Variants in DIO3 observed in about 807,000 individuals in gnomAD.
The protein encoded by DIO3 is thyroxine 5-deiodinase.
DIO3 carries 5 observed loss-of-function variants against 20.4 expected under a neutral mutation model. That is an observed-to-expected ratio of 0.25 (90% CI 0.13 to 0.52). DIO3 has a LOEUF of 0.52. Ranked by LOEUF, DIO3 falls within the 20% of genes least tolerant of loss-of-function variation. The pLI, the probability that DIO3 is intolerant of heterozygous loss-of-function variation, is 0.97. For missense variants in DIO3, 341 were observed against 438.2 expected, an observed-to-expected ratio of 0.78 and a Z score of 1.98; for synonymous variants, 201 against 193.3, an observed-to-expected ratio of 1.04 and a Z score of -0.33.
chr14:101,562,021 G>T lies in DIO3; in HGVS notation c.525G>T (p.Ala175=), dbSNP rs777536741. The change falls in exon 1 of 1, where the codon GCG becomes GCT. Residue 175 remains alanine (A), a synonymous_variant. Coordinates refer to ENST00000510508, the Ensembl canonical transcript of DIO3. The surrounding 1 kb of genome is among the most constrained non-coding windows in gnomAD (Gnocchi z 8.7). ...GCTGCACCTGACCACCGTTCATGGC[G>T]CGCATGAGCGCCTTCCAGCGCCTGG... 8 of 1,604,672 alleles carry T rather than the reference G, an allele frequency of 5.0e-6. No individual in the cohort carries two copies. The highest frequency in any genetic ancestry group is 3.3e-5 in the Admixed American group (2 of 60,034).
rs376254414 is a variant in DIO3, at chr14:101,561,940, C to G, written c.444C>G (p.Ser148Arg). Reference sequence around the variant, plus strand: ...TGGTTCTGCCCGACGGCTTCCAGAGCCAGCACATCCTCGACTACGCGCAAG... The same window carrying G: ...TGGTTCTGCCCGACGGCTTCCAGAGGCAGCACATCCTCGACTACGCGCAAG... The change falls in exon 1 of 1, where the codon AGC becomes AGG. Residue 148 changes from serine to arginine, a missense_variant. Ser to Arg is a moderately radical substitution (Grantham distance 110). This residue lies in a region of DIO3 where 198 missense variants were observed against 220.7 expected (regional missense o/e 0.90). Coordinates refer to ENST00000510508, the Ensembl canonical transcript of DIO3. The surrounding 1 kb of genome is among the most constrained non-coding windows in gnomAD (Gnocchi z 8.0). 2.4e-5 allele frequency: 38 copies of G among 1,603,856 alleles called. No homozygotes were observed. Among genetic ancestry groups the G allele is most frequent in the Non-Finnish European group, 3.0e-5 (35 of 1,179,968 alleles).
chr14:101,561,655 C>T lies in DIO3; in HGVS notation c.159C>T (p.Leu53=), dbSNP rs1432666448. ...GCCTCGTGCTCTTCCCGCGCTTCCT[C>T]GGCACGGCCTTCATGCTCTGGCTTC... is the stretch of plus-strand genomic sequence containing the variant. Residue 53 remains leucine, a synonymous_variant, in exon 1 of 1, where the codon CTC becomes CTT. Transcript: ENST00000510508. This position sits in a 1 kb window ranked among gnomAD's most constrained non-coding sequence, Gnocchi z 8.0. 15 of 1,613,648 alleles carry T rather than the reference C, an allele frequency of 9.3e-6. No individual in the cohort carries two copies. The highest frequency in any genetic ancestry group is 1.1e-5 in the Non-Finnish European group (13 of 1,179,962).
rs376385510 is a variant in DIO3 at position 101,562,126 on chromosome 14, G to A, written c.630G>A (p.Thr210=). 1.7e-5 allele frequency: 27 copies of A among 1,612,958 alleles called. No individual in the cohort carries two copies. The highest frequency in any genetic ancestry group is 4.4e-5 in the South Asian group (4 of 91,090). Residue 210 remains threonine (T), a synonymous_variant, in exon 1 of 1, where the codon ACG becomes ACA. Coordinates refer to ENST00000510508, the Ensembl canonical transcript of DIO3. The surrounding 1 kb of genome is among the most constrained non-coding windows in gnomAD (Gnocchi z 8.7). Reference sequence around the variant, plus strand: ...ACCCCTCCGACGGCTGGGTCACCACGGACTCTCCCTACATCATCCCACAGC... The same window carrying A: ...ACCCCTCCGACGGCTGGGTCACCACAGACTCTCCCTACATCATCCCACAGC...
rs745756786 is a variant in DIO3, at chr14:101,562,041, G to A, written c.545G>A (p.Arg182His). 6.8e-6 allele frequency: 11 copies of A among 1,607,144 alleles called. No individual in the cohort carries two copies. The highest frequency in any genetic ancestry group is 1.3e-5 in the African/African-American group (1 of 74,944). The change falls in exon 1 of 1, where the codon CGC becomes CAC. Residue 182 changes from arginine to histidine, a missense_variant. Transcript: ENST00000510508. The surrounding 1 kb of genome is among the most constrained non-coding windows in gnomAD (Gnocchi z 8.7). ...ATGGCGCGCATGAGCGCCTTCCAGC[G>A]CCTGGTCACTAAGTACCAGCGCGAC...
At position 101,563,229 on chromosome 14, in the gene DIO3, C is replaced by G. The variant is rs560451891; in HGVS notation, c.*818C>G. The stretch of plus-strand genomic sequence containing the variant: ...CCCAGGGAGAGAGAAAAAGCTGAGA[C>G]TCCTGGGGAATGACGTTGGGGTGAT... On this transcript the variant is annotated 3_prime_UTR_variant, in exon 1 of 1. Transcript: ENST00000510508. This position sits in a 1 kb window ranked among gnomAD's most constrained non-coding sequence, Gnocchi z 8.3. 1.8e-5 allele frequency: 3 copies of G among 166,928 alleles called. No individual in the cohort carries two copies. Among genetic ancestry groups the G allele is most frequent in the Non-Finnish European group, 4.4e-5 (3 of 68,154 alleles). 10.3% of individuals were successfully genotyped at this position (166,928 alleles called of 1,614,324 possible).
rs2034530388 is a variant in DIO3, at chr14:101,562,023, G to A, written c.527G>A (p.Arg176His). The A allele has an allele frequency of 1.2e-6, 2 of 1,604,876 alleles. No homozygotes were observed. The highest frequency in any genetic ancestry group is 1.7e-6 in the Non-Finnish European group (2 of 1,179,974). The change falls in exon 1 of 1, where the codon CGC (arginine) becomes CAC (histidine). Residue 176 changes from arginine (R) to histidine (H), a missense_variant. Around this residue, in one of 3 missense-constraint regions of DIO3, gnomAD observed 138 missense variants for 197.8 expected, o/e 0.70. Coordinates refer to ENST00000510508, the Ensembl canonical transcript of DIO3. This position sits in a 1 kb window ranked among gnomAD's most constrained non-coding sequence, Gnocchi z 8.7. ...TGCACCTGACCACCGTTCATGGCGC[G>A]CATGAGCGCCTTCCAGCGCCTGGTC...
rs771411128 is a variant in DIO3 at position 101,561,682 on chromosome 14, C to T, written c.186C>T (p.Leu62=). 1 of 1,613,562 alleles carries T rather than the reference C, an allele frequency of 6.2e-7. No homozygotes were observed. The highest frequency in any genetic ancestry group is 2.2e-5 in the East Asian group (1 of 44,862). ...GCACGGCCTTCATGCTCTGGCTTCT[C>T]GATTTCTTGTGTATCCGCAAGCATT... The change falls in exon 1 of 1, where the codon CTC becomes CTT. Residue 62 remains leucine (L), a synonymous_variant. Coordinates refer to ENST00000510508, the Ensembl canonical transcript of DIO3. The surrounding 1 kb of genome is among the most constrained non-coding windows in gnomAD (Gnocchi z 8.0).
At position 101,561,504 on chromosome 14, in the gene DIO3, G is replaced by C; in HGVS notation, c.8G>C (p.Arg3Pro). Residue 3 changes from arginine (R) to proline (P), a missense_variant, in exon 1 of 1, where the codon CGC becomes CCC. This residue lies in a region of DIO3 where 198 missense variants were observed against 220.7 expected (regional missense o/e 0.90). Coordinates refer to ENST00000510508, the Ensembl canonical transcript of DIO3. This position sits in a 1 kb window ranked among gnomAD's most constrained non-coding sequence, Gnocchi z 8.0. ...TGCACTGCTGAAGCCCAGATGCCTC[G>C]CCAGGCCACGTCGCGGTTGGTGGTC... 6.2e-7 allele frequency: 1 copy of C among 1,600,542 alleles called. No homozygotes were observed. The highest frequency in any genetic ancestry group is 1.1e-5 in the South Asian group (1 of 89,620).
Position 101,561,661 on chromosome 14 carries a change from G to C in DIO3, c.165G>C (p.Thr55=), listed in dbSNP as rs138578713. The C allele has an allele frequency of 6.2e-7, 1 of 1,613,584 alleles. No individual in the cohort carries two copies. The highest frequency in any genetic ancestry group is 1.3e-5 in the African/African-American group (1 of 75,044). Reference sequence around the variant, plus strand: ...TGCTCTTCCCGCGCTTCCTCGGCACGGCCTTCATGCTCTGGCTTCTCGATT... The same window carrying C: ...TGCTCTTCCCGCGCTTCCTCGGCACCGCCTTCATGCTCTGGCTTCTCGATT... Residue 55 remains threonine, a synonymous_variant, in exon 1 of 1, where the codon ACG becomes ACC. Transcript: ENST00000510508. The surrounding 1 kb of genome is among the most constrained non-coding windows in gnomAD (Gnocchi z 8.0).
Position 101,562,489 on chromosome 14 carries a change from C to A in DIO3, c.*78C>A. On this transcript the variant is annotated 3_prime_UTR_variant, in exon 1 of 1. Transcript: ENST00000510508. This position sits in a 1 kb window ranked among gnomAD's most constrained non-coding sequence, Gnocchi z 8.7. Reference sequence around the variant, plus strand: ...AAGCCCACGTGCAAGCGCCTCAAACCAAGTCACGCTTGGCGAGGCCCCAGT... The same window carrying A: ...AAGCCCACGTGCAAGCGCCTCAAACAAAGTCACGCTTGGCGAGGCCCCAGT... 1 of 1,433,526 alleles carries A rather than the reference C, an allele frequency of 7.0e-7. No individual in the cohort carries two copies. The highest frequency in any genetic ancestry group is 9.5e-7 in the Non-Finnish European group (1 of 1,054,836). The allele number at this position is 1,433,526 out of a possible 1,614,324, so 88.8% of individuals were successfully genotyped here.
chr14:101,561,614 G>A lies in DIO3; in HGVS notation c.118G>A (p.Ala40Thr). ...GCTGCTTCACTCCTTGAGGCTCTGCGCCCAGACCGCCTCGTGCCTCGTGCT... is the reference window on the plus strand; with the variant it reads ...GCTGCTTCACTCCTTGAGGCTCTGCACCCAGACCGCCTCGTGCCTCGTGCT... The change falls in exon 1 of 1, where the codon GCC becomes ACC. Residue 40 changes from alanine to threonine, a missense_variant. By Grantham distance (58) the Ala-to-Thr change is moderately conservative. Coordinates refer to ENST00000510508, the Ensembl canonical transcript of DIO3. This position sits in a 1 kb window ranked among gnomAD's most constrained non-coding sequence, Gnocchi z 8.0. The A allele has an allele frequency of 3.7e-6, 6 of 1,613,356 alleles. No homozygotes were observed. The highest frequency in any genetic ancestry group is 5.1e-6 in the Non-Finnish European group (6 of 1,179,954).
In DIO3 at chr14:101,562,117, G is replaced by C. The variant is rs1469091104; in HGVS notation, c.621G>C (p.Trp207Cys). The change falls in exon 1 of 1, where the codon TGG becomes TGC. Residue 207 changes from tryptophan to cysteine, a missense_variant. Physicochemically the swap from Trp to Cys is radical, Grantham distance 215. Coordinates refer to ENST00000510508, the Ensembl canonical transcript of DIO3. The surrounding 1 kb of genome is among the most constrained non-coding windows in gnomAD (Gnocchi z 8.7). ...AGGAAGCGCACCCCTCCGACGGCTG[G>C]GTCACCACGGACTCTCCCTACATCA... 2 of 1,612,902 alleles carry C rather than the reference G, an allele frequency of 1.2e-6. No individual in the cohort carries two copies. Among genetic ancestry groups the C allele is most frequent in the Non-Finnish European group, 1.7e-6 (2 of 1,180,038 alleles).
chr14:101,562,580 C>A lies in DIO3; in HGVS notation c.*169C>A. 1 of 652,150 alleles carries A rather than the reference C, an allele frequency of 1.5e-6. No individual in the cohort carries two copies. 40.4% of individuals were successfully genotyped at this position (652,150 alleles called of 1,614,324 possible). ...ACCCTCAGCCACATGAACAATCTCC[C>A]CTACCTCCCTGGGACTCTGCTTCTG... On this transcript the variant is annotated 3_prime_UTR_variant, in exon 1 of 1. Transcript: ENST00000510508. This position sits in a 1 kb window ranked among gnomAD's most constrained non-coding sequence, Gnocchi z 8.7.
At position 101,562,508 on chromosome 14, in the gene DIO3, C is replaced by A. The variant is rs1157959135; in HGVS notation, c.*97C>A. 2 of 1,227,112 alleles carry A rather than the reference C, an allele frequency of 1.6e-6. No individual in the cohort carries two copies. Among genetic ancestry groups the A allele is most frequent in the African/African-American group, 3.0e-5 (2 of 66,088 alleles). 76.0% of individuals were successfully genotyped at this position (1,227,112 alleles called of 1,614,324 possible). On this transcript the variant is annotated 3_prime_UTR_variant, in exon 1 of 1. Coordinates refer to ENST00000510508, the Ensembl canonical transcript of DIO3. This position sits in a 1 kb window ranked among gnomAD's most constrained non-coding sequence, Gnocchi z 8.7. ...TCAAACCAAGTCACGCTTGGCGAGGCCCCAGTGACACTGATGTGCTGAGCC... is the reference window on the plus strand; with the variant it reads ...TCAAACCAAGTCACGCTTGGCGAGGACCCAGTGACACTGATGTGCTGAGCC...
chr14:101,561,854 G>T lies in DIO3; in HGVS notation c.358G>T (p.Gly120Cys). ...GGCGTCGCTCAAGGCGGTGTGGCAT[G>T]GCCAGAAGTTGGATTTCTTCAAGCA... Residue 120 changes from glycine (G) to cysteine (C), a missense_variant, in exon 1 of 1, where the codon GGC becomes TGC. Coordinates refer to ENST00000510508, the Ensembl canonical transcript of DIO3. The surrounding 1 kb of genome is among the most constrained non-coding windows in gnomAD (Gnocchi z 8.0). The T allele has an allele frequency of 6.2e-7, 1 of 1,607,380 alleles. No individual in the cohort carries two copies.
Position 101,562,474 on chromosome 14 carries a change from G to T in DIO3, c.*63G>T, listed in dbSNP as rs2034537672. The T allele has an allele frequency of 6.6e-7, 1 of 1,508,160 alleles. No homozygotes were observed. Among genetic ancestry groups the T allele is most frequent in the African/African-American group, 1.4e-5 (1 of 72,032 alleles). 93.4% of individuals were successfully genotyped at this position (1,508,160 alleles called of 1,614,324 possible). ...GCCTTCGAGCCTTCGAAGCCCACGT[G>T]CAAGCGCCTCAAACCAAGTCACGCT... On this transcript the variant is annotated 3_prime_UTR_variant, in exon 1 of 1. Transcript: ENST00000510508. This position sits in a 1 kb window ranked among gnomAD's most constrained non-coding sequence, Gnocchi z 8.7.
At position 101,561,608 on chromosome 14, in the gene DIO3, CTCT is replaced by C. The variant is rs779288418; in HGVS notation, c.113_115del (p.Leu38_Cys39delinsArg). On this transcript the variant is annotated inframe_deletion, in exon 1 of 1. Coordinates refer to ENST00000510508, the Ensembl canonical transcript of DIO3. The surrounding 1 kb of genome is among the most constrained non-coding windows in gnomAD (Gnocchi z 8.0). The stretch of plus-strand genomic sequence containing the variant: ...CTCCCTGCTGCTTCACTCCTTGAGG[CTCT>C]GCGCCCAGACCGCCTCGTGCCTCGT... The C allele has an allele frequency of 6.2e-7, 1 of 1,613,434 alleles. No homozygotes were observed. Among genetic ancestry groups the C allele is most frequent in the African/African-American group, 1.3e-5 (1 of 75,066 alleles).
rs557126885 is a variant in DIO3, at chr14:101,562,581, C to T, written c.*170C>T. On this transcript the variant is annotated 3_prime_UTR_variant, in exon 1 of 1. Transcript: ENST00000510508. This position sits in a 1 kb window ranked among gnomAD's most constrained non-coding sequence, Gnocchi z 8.7. ...CCCTCAGCCACATGAACAATCTCCC[C>T]TACCTCCCTGGGACTCTGCTTCTGT... The T allele has an allele frequency of 7.7e-6, 5 of 652,390 alleles. No individual in the cohort carries two copies. Among genetic ancestry groups the T allele is most frequent in the African/African-American group, 1.8e-5 (1 of 54,574 alleles). 40.4% of individuals were successfully genotyped at this position (652,390 alleles called of 1,614,324 possible).
chr14:101,563,109 C>T lies in DIO3; in HGVS notation c.*698C>T, dbSNP rs1323307163. 6.0e-6 allele frequency: 1 copy of T among 167,090 alleles called. No homozygotes were observed. The highest frequency in any genetic ancestry group is 2.4e-5 in the African/African-American group (1 of 41,442). The allele number at this position is 167,090 out of a possible 1,614,324, so 10.4% of individuals were successfully genotyped here. Reference sequence around the variant, plus strand: ...TGAGGGGGAGGGTGCTCTGGGTTTCCGTGAGGTAACCACCTTAAATGGGAG... The same window carrying T: ...TGAGGGGGAGGGTGCTCTGGGTTTCTGTGAGGTAACCACCTTAAATGGGAG... On this transcript the variant is annotated 3_prime_UTR_variant, in exon 1 of 1. Coordinates refer to ENST00000510508, the Ensembl canonical transcript of DIO3. This position sits in a 1 kb window ranked among gnomAD's most constrained non-coding sequence, Gnocchi z 8.3.
Sources: gnomAD v4.1 joint callset for allele counts on GRCh38, gnomAD v4.1.1 for gene constraint, gnomAD v4.1.1 regional missense constraint, Gnocchi (gnomAD v3.1) non-coding constraint, MANE v1.5 for transcripts, NCBI Gene and HGNC (gene_info 2026-07-23, HGNC 2026-07-21) for gene names.